The following NEBL variants were observed in gnomAD, a reference collection of about 807,000 sequenced individuals.
NEBL encodes LIM and SH3 protein 2.
Under a neutral mutation model 140.2 loss-of-function variants are expected in NEBL, and 122 were observed. The observed-to-expected ratio is 0.87, with a 90% CI of 0.75 to 1.01. The LOEUF is 1.01. NEBL is among the 50% of genes least tolerant of loss of function. The pLI is 0.00. For missense variants in NEBL, 1,365 were observed against 1,231.3 expected, an observed-to-expected ratio of 1.11 and a Z score of -1.62; for synonymous variants, 436 against 398.9, an observed-to-expected ratio of 1.09 and a Z score of -1.11.
chr10:20,906,714 G>A (rs1028398310), intron 4 of NEBL, among the ~76,000 whole-genome samples: 2 of 151,894 alleles, frequency 1.3e-5, no homozygotes, highest in Non-Finnish European at 2.9e-5. Context: ...GAATGAAGAT[G>A]GACATGAATG....
intron 8 of NEBL, 68 bp from the exon 9 acceptor site, chr10:20,858,412 T>A: frequency 7.8e-7 from 1 of 1,277,566 alleles, no homozygotes; most frequent in Admixed American, 1.8e-5. Flanking sequence ...CATTATTGCA[T>A]TTTTCATACA....
chr10:20,879,978 G>C (rs574152946), intron 5 of NEBL, among the ~76,000 whole-genome samples: 1 of 152,150 alleles, frequency 6.6e-6, no homozygotes, highest in Non-Finnish European at 1.5e-5. Flanking sequence ...GACTTCCTCC[G>C]TTTTGGCTTT....
At chr10:20,793,895 C>T (rs1836248113) in intron 26 of NEBL, among the ~76,000 whole-genome samples, 1 of 152,142 alleles carries the variant, frequency 6.6e-6, no homozygotes, top group South Asian at 2.1e-4. Context: ...CAATGCGGAC[C>T]TACCGAACTG....
At chr10:21,224,077 G>A (rs1842111617) in intron 3 of NEBL, among the ~76,000 whole-genome samples, 1 of 151,946 alleles carries the variant, frequency 6.6e-6, no homozygotes. Flanking sequence ...GCCAGTGCAT[G>A]TGGAATTTGC....
chr10:20,780,534 T>C lies in NEBL; in HGVS notation c.*5213A>G, dbSNP rs1185130172. 6.6e-6 allele frequency: 1 copy of C among 152,166 alleles called. No individual in the cohort carries two copies. Among genetic ancestry groups the C allele is most frequent in the African/African-American group, 2.4e-5 (1 of 41,430 alleles). 9.4% of individuals were successfully genotyped at this position (152,166 alleles called of 1,614,324 possible). A position where few individuals can be genotyped will look rare whatever the true frequency, so the allele number is the denominator to read the frequency against. ...CACCTCTGATGCGATTTGATGTGAG[T>C]TGTCATGTTAAATCTCAGACCCGGG... On this transcript the variant is annotated 3_prime_UTR_variant, in exon 28 of 28. Transcript: ENST00000377122.
chr10:21,120,389 A>T (rs187828251), intron 2 of NEBL, among the ~76,000 whole-genome samples: 4,363 of 58,486 alleles, frequency 0.075, 87 homozygotes, highest in East Asian at 0.13. Flanking sequence ...AAAAAAAAAA[A>T]ATACATATAT....
chr10:20,816,864 T>A (rs1325791673), intron 21 of NEBL, among the ~76,000 whole-genome samples: 1 of 152,150 alleles, frequency 6.6e-6, no homozygotes, highest in Non-Finnish European at 1.5e-5. Context: ...ATGCACACAT[T>A]ATCATTTCTT....
intron 21 of NEBL, among the ~76,000 whole-genome samples, chr10:20,817,085 G>C (rs946761771): frequency 5.3e-5 from 8 of 152,018 alleles, no homozygotes; most frequent in Non-Finnish European, 1.2e-4. Context: ...ACAACAACCT[G>C]TCAAAAAAAG....
chr10:21,171,351 A>G (rs144280648), intron 2 of NEBL, among the ~76,000 whole-genome samples: 1 of 82,352 alleles, frequency 1.2e-5, no homozygotes, highest in Non-Finnish European at 2.2e-5. Context: ...AAAAAAAAAG[A>G]AAAAAAAAAA....
At position 21,010,887 on chromosome 10, in the gene NEBL, C is replaced by T. The variant is rs367933003; in HGVS notation, c.249+9230G>A. ...TCTTTAAACATCTTCCAATGTGAAA[C>T]TGATTTGCCCATCAACTTCCCTCAA... is the stretch of plus-strand genomic sequence containing the variant. On this transcript the variant is annotated intron_variant, in intron 3 of 6. Coordinates refer to the NEBL transcript ENST00000417816. Among the ~76,000 whole-genome samples the T allele has an allele frequency of 3.3e-5, 5 of 152,312 alleles. 1 individual carries two copies. In the East Asian group the frequency reaches 7.7e-4, roughly 24 times the overall value.
chr10:21,171,333 C>T (rs1178359967), intron 2 of NEBL, among the ~76,000 whole-genome samples: 1 of 117,206 alleles, frequency 8.5e-6, no homozygotes, highest in African/African-American at 3.7e-5. Context: ...AAACTTCTGT[C>T]TCAAAAAAAA....
At chr10:21,089,134 G>A (rs564077485) in intron 2 of NEBL, among the ~76,000 whole-genome samples, 1 of 152,254 alleles carries the variant, frequency 6.6e-6, no homozygotes, top group African/African-American at 2.4e-5. Context: ...AGAAGAAGCA[G>A]TGAAAGAGGA....
At chr10:20,922,410 A>T (rs751148221) in intron 4 of NEBL, among the ~76,000 whole-genome samples, 1 of 152,202 alleles carries the variant, frequency 6.6e-6, no homozygotes, top group African/African-American at 2.4e-5. Flanking sequence ...GTGATACTCC[A>T]ATAAATTCAT....
chr10:21,194,958 C>G (rs968765726), intron 3 of NEBL, among the ~76,000 whole-genome samples: 3 of 151,998 alleles, frequency 2.0e-5, no homozygotes, highest in African/African-American at 7.3e-5. Context: ...TATAAGGCAC[C>G]TGTAGTGGGG....
chr10:21,229,497 T>C (rs984025634), intron 3 of NEBL, among the ~76,000 whole-genome samples: 1 of 152,214 alleles, frequency 6.6e-6, no homozygotes, highest in Non-Finnish European at 1.5e-5. Flanking sequence ...CAGCATGAAT[T>C]AGTCATTTCT....
intron 2 of NEBL, among the ~76,000 whole-genome samples, chr10:21,138,048 G>T (rs1839437828): frequency 6.6e-6 from 1 of 151,990 alleles, no homozygotes; most frequent in Non-Finnish European, 1.5e-5. Flanking sequence ...GATTTCCAAT[G>T]GTCAGTGGTC....
At chr10:21,068,564 C>T (rs1055388857) in intron 2 of NEBL, among the ~76,000 whole-genome samples, 2 of 152,206 alleles carry the variant, frequency 1.3e-5, no homozygotes, top group African/African-American at 4.8e-5. Flanking sequence ...AGGAAAGAAG[C>T]TACCTAGAGA....
intron 2 of NEBL, among the ~76,000 whole-genome samples, chr10:21,026,934 C>A (rs556307937): frequency 6.6e-6 from 1 of 152,174 alleles, no homozygotes; most frequent in African/African-American, 2.4e-5. Context: ...CCCACTCCCC[C>A]TCTTGGCCAC....
intron 4 of NEBL, among the ~76,000 whole-genome samples, chr10:20,883,232 C>T (rs1846182417): frequency 6.6e-6 from 1 of 152,194 alleles, no homozygotes; most frequent in African/African-American, 2.4e-5. Context: ...TATGCTGAGA[C>T]TTCTGTCAAC....
Sources: gnomAD v4.1 joint callset for allele counts (sites outside exome capture counted in the v4.1 genomes callset) on GRCh38, gnomAD v4.1.1 for gene constraint, MANE v1.5 for transcripts, NCBI Gene and HGNC (gene_info 2026-07-23, HGNC 2026-07-21) for gene names.